The following UPF2 variants were observed in gnomAD, a reference collection of about 807,000 sequenced individuals.
UPF2 encodes the protein UPF2 regulator of nonsense mediated mRNA decay.
Under a neutral mutation model 141.4 loss-of-function variants are expected in UPF2, and 17 were observed. The ratio of observed to expected loss-of-function variants is 0.12; its 90% confidence interval spans 0.08 to 0.18. UPF2 has a LOEUF of 0.18. Among genes scored for constraint, UPF2 ranks in the 10% least tolerant of loss-of-function variants. UPF2 has a pLI of 1.00. For missense variants in UPF2, 1,152 were observed against 1,515.9 expected, an observed-to-expected ratio of 0.76 and a Z score of 3.99; for synonymous variants, 540 against 498.0, an observed-to-expected ratio of 1.08 and a Z score of -1.12.
rs1832633558 is a variant in UPF2, at chr10:11,920,949, C to T, written c.*349G>A. 1 of 540,072 alleles carries T rather than the reference C, an allele frequency of 1.9e-6. No homozygotes were observed. The highest frequency in any genetic ancestry group is 2.1e-5 in the Admixed American group (1 of 48,252). The allele number at this position is 540,072 out of a possible 1,614,324, so 33.5% of individuals were successfully genotyped here. A position where few individuals can be genotyped will look rare whatever the true frequency, so the allele number is the denominator to read the frequency against. On this transcript the variant is annotated 3_prime_UTR_variant, in exon 22 of 22. Transcript: ENST00000357604. ...TTCCCCCACACCATTACCATCACAACCCGTTTCTTCTCTGGCTCAATCATC... is the reference window on the plus strand; with the variant it reads ...TTCCCCCACACCATTACCATCACAATCCGTTTCTTCTCTGGCTCAATCATC...
chr10:11,943,857 G>A (rs1308989089), intron 16 of UPF2, among the ~76,000 whole-genome samples: 1 of 151,742 alleles, frequency 6.6e-6, no homozygotes, highest in South Asian at 2.1e-4. Flanking sequence ...ACTTCGATCA[G>A]CTGAAATTTC....
Position 11,958,557 on chromosome 10 carries a change from C to T in UPF2, c.2370+614G>A, listed in dbSNP as rs1833191322. Among the ~76,000 whole-genome samples, 3 of 152,190 alleles carry T rather than the reference C, an allele frequency of 2.0e-5. No individual in the cohort carries two copies. The South Asian group carries it at 6.2e-4, about 32-fold the overall frequency. ...AACATCATTCCTTATCACCTTCCATCCTAAAAGGAAAAAAATTCTACCCTG... is the reference window on the plus strand; with the variant it reads ...AACATCATTCCTTATCACCTTCCATTCTAAAAGGAAAAAAATTCTACCCTG... On this transcript the variant is annotated intron_variant, in intron 12 of 21. Coordinates refer to ENST00000357604, the MANE Select transcript of UPF2 (RefSeq NM_015542.4).
rs779425669 is a variant in UPF2, at chr10:12,019,691, A to G, written c.1146-5507T>C. ...GACATCACTGTCCAGAAGAATCTCT[A>G]AAGTACGTCAGTCCTTGATTTTATG... On this transcript the variant is annotated intron_variant, in intron 3 of 21. Transcript: ENST00000357604. This position sits in a 1 kb window ranked among gnomAD's most constrained non-coding sequence, Gnocchi z 4.5. Among the ~76,000 whole-genome samples, 52 of 152,212 alleles carry G rather than the reference A, an allele frequency of 3.4e-4. No individual in the cohort carries two copies. The highest frequency in any genetic ancestry group is 1.4e-3 in the Admixed American group (21 of 15,272).
Position 11,929,856 on chromosome 10 carries a change from C to T in UPF2, c.3809+9G>A. 1.9e-6 allele frequency: 3 copies of T among 1,613,778 alleles called. No homozygotes were observed. The highest frequency in any genetic ancestry group is 2.5e-6 in the Non-Finnish European group (3 of 1,179,810). ...CAAACAGCTAAGGAAGGAGTAATGA[C>T]TGCTTTACCTCCCACCAGTCTTAAA... On this transcript the variant is annotated intron_variant, in intron 21 of 21. Transcript: ENST00000357604.
chr10:11,949,839 A>G (rs1407215921), intron 15 of UPF2, among the ~76,000 whole-genome samples: 1 of 152,252 alleles, frequency 6.6e-6, no homozygotes, highest in Non-Finnish European at 1.5e-5. Context: ...ATCTATCCTG[A>G]GAAAATCACA....
In UPF2 at chr10:12,036,339, G is replaced by A. The variant is rs190751638; in HGVS notation, c.-18-898C>T. On this transcript the variant is annotated intron_variant, in intron 1 of 21. Coordinates refer to ENST00000357604, the MANE Select transcript of UPF2 (RefSeq NM_015542.4). The stretch of plus-strand genomic sequence containing the variant: ...CTCCAGACATTGCTAAATATCCGTC[G>A]GAGAAAAAATTATCACCCAAAAACT... Among the ~76,000 whole-genome samples, 4 of 152,212 alleles carry A rather than the reference G, an allele frequency of 2.6e-5. No individual in the cohort carries two copies. In the South Asian group the frequency reaches 6.2e-4, roughly 24 times the overall value.
In UPF2 at chr10:11,935,504, G is replaced by C. The variant is rs527285558; in HGVS notation, c.3546+1041C>G. Among the ~76,000 whole-genome samples the C allele has an allele frequency of 6.6e-6, 1 of 152,266 alleles. No homozygotes were observed. Among genetic ancestry groups the C allele is most frequent in the African/African-American group, 2.4e-5 (1 of 41,554 alleles). ...CATTATTTTACTTATCACTAAAGCA[G>C]AAAGAAATGCTGTCAGTTAACACAG... On this transcript the variant is annotated intron_variant, in intron 19 of 21. Coordinates refer to ENST00000357604, the MANE Select transcript of UPF2 (RefSeq NM_015542.4). This position sits in a 1 kb window ranked among gnomAD's most constrained non-coding sequence, Gnocchi z 4.9.
At position 11,954,640 on chromosome 10, in the gene UPF2, A is replaced by AT. The variant is rs2131187245; in HGVS notation, c.2850+591_2850+592insA. The stretch of plus-strand genomic sequence containing the variant: ...CACAGCAAGACTTACTCTCAAAAAA[A>AT]AAAATATATATATATATATATACAT... On this transcript the variant is annotated intron_variant, in intron 14 of 21. Coordinates refer to ENST00000357604, the MANE Select transcript of UPF2 (RefSeq NM_015542.4). 2.0e-4 allele frequency among the ~76,000 whole-genome samples: 7 copies of AT among 34,578 alleles called. No individual in the cohort carries two copies. In the Admixed American group the frequency reaches 2.6e-3, roughly 13 times the overall value. The allele number at this position is 34,578 out of a possible 152,430, so 22.7% of individuals were successfully genotyped here.
intron 8 of UPF2, among the ~76,000 whole-genome samples, chr10:11,990,202 T>C (rs1447911006): frequency 6.6e-6 from 1 of 152,192 alleles, no homozygotes; most frequent in Non-Finnish European, 1.5e-5. Flanking sequence ...GCCATCAACA[T>C]GCTTCTTTCA....
chr10:11,945,548 A>C (rs1188245012), intron 16 of UPF2, among the ~76,000 whole-genome samples: 2 of 152,146 alleles, frequency 1.3e-5, no homozygotes, highest in Non-Finnish European at 2.9e-5. Flanking sequence ...AGCACTTGGA[A>C]CCTCCCTCTG....
chr10:11,960,174 T>C (rs548872042), intron 11 of UPF2, among the ~76,000 whole-genome samples: 18 of 152,302 alleles, frequency 1.2e-4, no homozygotes, highest in South Asian at 6.2e-4. Context: ...CACTGACAAG[T>C]TGAAGATCTT....
chr10:12,017,510 G>C (rs1249751366), intron 3 of UPF2, among the ~76,000 whole-genome samples: 3 of 152,164 alleles, frequency 2.0e-5, no homozygotes, highest in Admixed American at 6.5e-5. Flanking sequence ...ATGGTTCCCT[G>C]AGTCTGCTTT....
At chr10:11,938,868 T>TTTTTTTTTGTTTG (rs1554774700) in intron 18 of UPF2, among the ~76,000 whole-genome samples, 2 of 90,822 alleles carry the variant, frequency 2.2e-5, no homozygotes, top group Non-Finnish European at 4.8e-5. Flanking sequence ...TTTTTTTTTT[T>TTTTTTTTTGTTTG]TTTTTTTTTT....
rs1468889922 is a variant in UPF2, at chr10:11,979,733, C to T, written c.1845-568G>A. On this transcript the variant is annotated intron_variant, in intron 8 of 21. Coordinates refer to ENST00000357604, the MANE Select transcript of UPF2 (RefSeq NM_015542.4). The surrounding 1 kb of genome is among the most constrained non-coding windows in gnomAD (Gnocchi z 6.2). ...TATCCTGGCTAACACGGTGAAACCC[C>T]GTCTCTACTAAAAATAAAAAAATTA... is the stretch of plus-strand genomic sequence containing the variant. 2.6e-5 allele frequency among the ~76,000 whole-genome samples: 4 copies of T among 152,070 alleles called. No homozygotes were observed. The highest frequency in any genetic ancestry group is 4.4e-5 in the Non-Finnish European group (3 of 68,006).
intron 8 of UPF2, among the ~76,000 whole-genome samples, chr10:11,983,913 T>C (rs1833642048): frequency 6.6e-6 from 1 of 152,138 alleles, no homozygotes. Flanking sequence ...CTATTTAAGA[T>C]GAAATTAATT....
chr10:12,025,666 A>G (rs73573602), intron 3 of UPF2, among the ~76,000 whole-genome samples: 32,308 of 152,154 alleles, frequency 0.21, 3,784 homozygotes, highest in East Asian at 0.46. Flanking sequence ...TAACAAATGG[A>G]TAAAAGTTTC....
At chr10:11,966,017 ACT>A (rs1284427982) in intron 10 of UPF2, among the ~76,000 whole-genome samples, 3 of 152,356 alleles carry the variant, frequency 2.0e-5, no homozygotes, top group South Asian at 2.1e-4. Flanking sequence ...ATAATTAATT[ACT>A]GTTACTAATT....
chr10:11,968,051 C>G (rs57307493), intron 9 of UPF2, among the ~76,000 whole-genome samples: 2 of 151,902 alleles, frequency 1.3e-5, no homozygotes, highest in Non-Finnish European at 2.9e-5. Flanking sequence ...TAGTGGCAGG[C>G]GCCTGTAATC....
chr10:11,935,393 C>A lies in UPF2; in HGVS notation c.3546+1152G>T, dbSNP rs752877642. 6.6e-6 allele frequency among the ~76,000 whole-genome samples: 1 copy of A among 151,594 alleles called. No individual in the cohort carries two copies. Among genetic ancestry groups the A allele is most frequent in the Admixed American group, 6.6e-5 (1 of 15,234 alleles). ...AATACTTGTTAAATGACTGTGTAGA[C>A]GAATGTGGTATTGGACTTGTCTAAG... On this transcript the variant is annotated intron_variant, in intron 19 of 21. Transcript: ENST00000357604. This position sits in a 1 kb window ranked among gnomAD's most constrained non-coding sequence, Gnocchi z 4.9.
Sources: allele counts gnomAD v4.1 joint callset (sites outside exome capture counted in the v4.1 genomes callset), GRCh38; gene constraint gnomAD v4.1.1; non-coding constraint Gnocchi (gnomAD v3.1); transcripts MANE v1.5; gene names NCBI Gene and HGNC (gene_info 2026-07-23, HGNC 2026-07-21).